Variants in KCNH8 observed in about 807,000 individuals in gnomAD.
The protein encoded by KCNH8 is potassium voltage-gated channel subfamily H member 8.
A neutral mutation model predicts 103.6 loss-of-function variants in KCNH8; 70 were observed. That is an observed-to-expected ratio of 0.68 (90% CI 0.56 to 0.82). The LOEUF is 0.82. Ranked by LOEUF, KCNH8 falls within the 40% of genes least tolerant of loss-of-function variation. The probability of loss-of-function intolerance (pLI) is 0.00; values close to 1 mark genes in which losing one functional copy is unlikely to be tolerated. For synonymous variants in KCNH8, 498 were observed against 489.4 expected (o/e 1.02, Z -0.23); for missense variants, 1,217 against 1,329.9 (o/e 0.92, Z 1.32).
intron 11 of KCNH8, among the ~76,000 whole-genome samples, chr3:19,502,460 G>A (rs6769387): frequency 0.068 from 10,239 of 151,198 alleles, 399 homozygotes; most frequent in African/African-American, 0.1. Flanking sequence ...AGCCCGCATC[G>A]CCAAGTCAAT....
At chr3:19,239,678 C>CTATCTATG (rs1331290383) in intron 1 of KCNH8, among the ~76,000 whole-genome samples, 2,162 of 151,702 alleles carry the variant, frequency 0.014, 67 homozygotes, top group African/African-American at 0.05. Flanking sequence ...ATCTATCTAT[C>CTATCTATG]TATCTACCTA....
intron 11 of KCNH8, among the ~76,000 whole-genome samples, chr3:19,485,728 G>A (rs1157009685): frequency 2.0e-5 from 3 of 152,204 alleles, no homozygotes; most frequent in South Asian, 4.1e-4. Flanking sequence ...AGGGGTAGAT[G>A]CTGCTTTTCG....
intron 7 of KCNH8, among the ~76,000 whole-genome samples, chr3:19,432,164 A>G (rs985983722): frequency 6.6e-6 from 1 of 152,160 alleles, no homozygotes; most frequent in Non-Finnish European, 1.5e-5. Flanking sequence ...TTTATTTTAC[A>G]TGTACTTTTA....
At chr3:19,435,364 T>C (rs914072851) in intron 7 of KCNH8, among the ~76,000 whole-genome samples, 1 of 152,172 alleles carries the variant, frequency 6.6e-6, no homozygotes, top group Non-Finnish European at 1.5e-5. Context: ...AATTCCTAAG[T>C]CTTTGTGATT....
chr3:19,228,178 C>A (rs1275251385), intron 1 of KCNH8, among the ~76,000 whole-genome samples: 1 of 152,048 alleles, frequency 6.6e-6, no homozygotes, highest in African/African-American at 2.4e-5. Context: ...GAGCTAAGAA[C>A]AATAGTTATA....
Position 19,165,159 on chromosome 3 carries a change from CA to C in KCNH8, c.76+16369del, listed in dbSNP as rs1401494389. ...AGTTTATTGTACATGAATTGTACTT[CA>C]AAAATGCTGTTAAAAATGATTTCTG... On this transcript the variant is annotated intron_variant, in intron 1 of 15. Transcript: ENST00000328405. Among the ~76,000 whole-genome samples the C allele has an allele frequency of 2.0e-5, 3 of 151,974 alleles. No individual in the cohort carries two copies. In the East Asian group the frequency reaches 5.8e-4, roughly 29 times the overall value.
chr3:19,454,388 T>C (rs2067499637), intron 10 of KCNH8, among the ~76,000 whole-genome samples: 1 of 152,182 alleles, frequency 6.6e-6, no homozygotes, highest in African/African-American at 2.4e-5. Flanking sequence ...AAACGTTTTA[T>C]AGCCTGCCTA....
intron 1 of KCNH8, among the ~76,000 whole-genome samples, chr3:19,246,245 T>C (rs2064202566): frequency 6.6e-6 from 1 of 150,986 alleles, no homozygotes; most frequent in Non-Finnish European, 1.5e-5. Context: ...AATGATTAAA[T>C]AACTTTAAGA....
chr3:19,262,363 G>GT, intron 2 of KCNH8, among the ~76,000 whole-genome samples: 1 of 151,872 alleles, frequency 6.6e-6, no homozygotes, highest in South Asian at 2.1e-4. Context: ...TTCTTAATGA[G>GT]TTTTTTTACA....
intron 11 of KCNH8, among the ~76,000 whole-genome samples, chr3:19,499,827 G>C (rs867145363): frequency 1.3e-5 from 2 of 152,110 alleles, no homozygotes; most frequent in African/African-American, 4.8e-5. Flanking sequence ...ACCAGCCGCT[G>C]CAAAATCATG....
intron 5 of KCNH8, among the ~76,000 whole-genome samples, chr3:19,352,991 G>A (rs567413674): frequency 2.0e-4 from 30 of 151,516 alleles, no homozygotes; most frequent in Non-Finnish European, 3.1e-4. Context: ...CCACTAGCAA[G>A]ACTAATAAAG....
chr3:19,191,310 G>A (rs1025816368), intron 1 of KCNH8, among the ~76,000 whole-genome samples: 4 of 151,634 alleles, frequency 2.6e-5, no homozygotes, highest in Admixed American at 2.0e-4. Flanking sequence ...CCATTTCCCC[G>A]TAAGCTTGTC....
intron 2 of KCNH8, among the ~76,000 whole-genome samples, chr3:19,261,878 C>T (rs2064440927): frequency 6.6e-6 from 1 of 151,564 alleles, no homozygotes; most frequent in Admixed American, 6.6e-5. Context: ...TCCTTATCCT[C>T]TTGTGTCTTT....
intron 1 of KCNH8, among the ~76,000 whole-genome samples, chr3:19,221,414 A>G (rs983286516): frequency 2.6e-5 from 4 of 152,220 alleles, no homozygotes; most frequent in Admixed American, 6.5e-5. Flanking sequence ...AAAGTATTAT[A>G]AGAGATACAT....
intron 1 of KCNH8, among the ~76,000 whole-genome samples, chr3:19,189,414 C>T (rs1341303606): frequency 1.3e-5 from 2 of 151,782 alleles, no homozygotes; most frequent in Non-Finnish European, 2.9e-5. Context: ...AATTATATAG[C>T]AGTTCATATT....
At chr3:19,516,094 C>T (rs1040568777) in intron 14 of KCNH8, among the ~76,000 whole-genome samples, 1 of 152,042 alleles carries the variant, frequency 6.6e-6, no homozygotes, top group African/African-American at 2.4e-5. Context: ...GAATAGTGAA[C>T]ATGTGTTGAA....
Position 19,534,979 on chromosome 3 carries a change from C to T in KCNH8, c.*880C>T, listed in dbSNP as rs1007733042. The stretch of plus-strand genomic sequence containing the variant: ...AATAAAAACATGGACTGAGTGTCAA[C>T]TACATGAGCTTTGGCATGGGGATAG... On this transcript the variant is annotated 3_prime_UTR_variant, in exon 16 of 16. Coordinates refer to ENST00000328405, the MANE Select transcript of KCNH8 (RefSeq NM_144633.3). 3 of 152,226 alleles carry T rather than the reference C, an allele frequency of 2.0e-5. No homozygotes were observed. Among genetic ancestry groups the T allele is most frequent in the East Asian group, 1.9e-4 (1 of 5,194 alleles). The allele number at this position is 152,226 out of a possible 1,614,324, so 9.4% of individuals were successfully genotyped here. A position where few individuals can be genotyped will look rare whatever the true frequency, so the allele number is the denominator to read the frequency against.
chr3:19,443,414 A>G (rs1209661562), intron 8 of KCNH8, among the ~76,000 whole-genome samples: 2 of 150,542 alleles, frequency 1.3e-5, no homozygotes, highest in African/African-American at 4.9e-5. Flanking sequence ...ACACACACAT[A>G]TATATACACA....
At chr3:19,210,546 C>T (rs147583575) in intron 1 of KCNH8, among the ~76,000 whole-genome samples, 8 of 151,420 alleles carry the variant, frequency 5.3e-5, no homozygotes, top group East Asian at 1.9e-4. Context: ...CATCACACTT[C>T]CTGAATGCCC....
Sources: allele counts gnomAD v4.1 joint callset (sites outside exome capture counted in the v4.1 genomes callset), GRCh38; gene constraint gnomAD v4.1.1; transcripts MANE v1.5; gene names NCBI Gene and HGNC (gene_info 2026-07-23, HGNC 2026-07-21).